MYCBP2: variants seen among roughly 807,000 people sequenced by gnomAD.
MYCBP2 encodes MYC binding protein 2, also known as E3 ubiquitin-protein ligase MYCBP2.
In MYCBP2, 120 loss-of-function variants were observed where a neutral mutation model predicts 525.3. The observed-to-expected ratio is 0.23, with a 90% CI of 0.20 to 0.27. MYCBP2 has a LOEUF of 0.27. MYCBP2 is among the 10% of genes least tolerant of loss of function. MYCBP2 has a pLI of 1.00. For missense variants in MYCBP2, 4,149 were observed against 5,657.1 expected (o/e 0.73, Z 8.55); for synonymous variants, 1,894 against 1,955.8 (o/e 0.97, Z 0.83).
At chr13:77,243,531 T>C (rs2069255016) in intron 16 of MYCBP2, among the ~76,000 whole-genome samples, 1 of 151,682 alleles carries the variant, frequency 6.6e-6, no homozygotes, top group Non-Finnish European at 1.5e-5. Flanking sequence ...GACAATCACT[T>C]GAACCTAGAA....
chr13:77,131,919 C>T (rs1299080205), intron 52 of MYCBP2, among the ~76,000 whole-genome samples: 1 of 152,028 alleles, frequency 6.6e-6, no homozygotes, highest in African/African-American at 2.4e-5. Flanking sequence ...AAATAAGTGA[C>T]CAACCATGCC....
At chr13:77,104,098 T>TA (rs918556733) in intron 55 of MYCBP2, among the ~76,000 whole-genome samples, 3 of 152,026 alleles carry the variant, frequency 2.0e-5, no homozygotes, top group Non-Finnish European at 2.9e-5. Flanking sequence ...TATCTGAATT[T>TA]AAAAAAACTC....
At chr13:77,252,593 A>G (rs2071407215) in intron 14 of MYCBP2, among the ~76,000 whole-genome samples, 1 of 152,116 alleles carries the variant, frequency 6.6e-6, no homozygotes. Context: ...CTTGCTCATA[A>G]TATCTCTTAT....
At chr13:77,074,156 C>T (rs1384435414) in intron 68 of MYCBP2, among the ~76,000 whole-genome samples, 2 of 152,190 alleles carry the variant, frequency 1.3e-5, no homozygotes, top group African/African-American at 2.4e-5. Context: ...AAGTAAGACA[C>T]TTTGATGGAT....
chr13:77,092,783 C>T (rs1262003363), intron 59 of MYCBP2, among the ~76,000 whole-genome samples: 2 of 152,076 alleles, frequency 1.3e-5, no homozygotes, highest in African/African-American at 4.8e-5. Flanking sequence ...TTCCGAGAAG[C>T]TCTTTACTCT....
chr13:77,243,787 T>C lies in MYCBP2; in HGVS notation c.2527+19A>G, dbSNP rs780597509. 15 of 1,611,050 alleles carry C rather than the reference T, an allele frequency of 9.3e-6. No individual in the cohort carries two copies. Among genetic ancestry groups the C allele is most frequent in the Non-Finnish European group, 1.2e-5 (14 of 1,178,442 alleles). On this transcript the variant is annotated intron_variant, in intron 16 of 82. Transcript: ENST00000544440. ...TTGAGGACAACTCAGTGTAGCATAG[T>C]ATAATCAATCAAAATTACCTAAAAG...
At position 77,261,202 on chromosome 13, in the gene MYCBP2, T is replaced by A; in HGVS notation, c.1821A>T (p.Gly607=). Residue 607 remains glycine (G), a synonymous_variant, in exon 12 of 83, where the codon GGA becomes GGT. Coordinates refer to ENST00000544440, the MANE Select transcript of MYCBP2 (RefSeq NM_015057.5). ...CTCCATCTTCTCCTTTACTAGCAGA[T>A]CCTGTAAAGAATATGCTCCCATCTT... The part of the protein sequence containing the change: ...VAEDGSIFFT[G]SASKGEDGES... 6.2e-7 allele frequency: 1 copy of A among 1,613,118 alleles called. No individual in the cohort carries two copies. Among genetic ancestry groups the A allele is most frequent in the Non-Finnish European group, 8.5e-7 (1 of 1,179,396 alleles).
intron 47 of MYCBP2, among the ~76,000 whole-genome samples, chr13:77,147,270 G>A (rs1594903208): frequency 1.3e-5 from 2 of 152,150 alleles, no homozygotes; most frequent in South Asian, 4.1e-4. Flanking sequence ...AGGAAGGGGT[G>A]GTAATGGGTC....
chr13:77,253,954 A>G (rs939797086), intron 14 of MYCBP2, among the ~76,000 whole-genome samples: 2 of 151,918 alleles, frequency 1.3e-5, no homozygotes, highest in African/African-American at 2.4e-5. Context: ...GAGGTTTTAA[A>G]CTCATTTATA....
intron 52 of MYCBP2, among the ~76,000 whole-genome samples, chr13:77,138,269 A>T (rs2054062232): frequency 6.6e-6 from 1 of 152,200 alleles, no homozygotes; most frequent in African/African-American, 2.4e-5. Flanking sequence ...AAAGAATGAG[A>T]TCAATAAATA....
chr13:77,254,633 C>T (rs2071839075), intron 14 of MYCBP2, among the ~76,000 whole-genome samples: 1 of 151,834 alleles, frequency 6.6e-6, no homozygotes, highest in African/African-American at 2.4e-5. Context: ...TCTCTTCTAG[C>T]TATTTTGAAA....
At chr13:77,308,553 A>G (rs1224922480) in intron 1 of MYCBP2, among the ~76,000 whole-genome samples, 1 of 152,240 alleles carries the variant, frequency 6.6e-6, no homozygotes, top group Non-Finnish European at 1.5e-5. Context: ...ACTTAGAATT[A>G]TGCCTGGTAT....
At chr13:77,121,140 A>C (rs1381791112) in intron 55 of MYCBP2, 1 of 278,842 alleles carries the variant, frequency 3.6e-6, no homozygotes, top group Non-Finnish European at 6.5e-6. Flanking sequence ...ATAGAAAAAA[A>C]ATAAGCAAGC....
chr13:77,127,477 C>T (rs2051891095), intron 52 of MYCBP2, among the ~76,000 whole-genome samples: 1 of 151,774 alleles, frequency 6.6e-6, no homozygotes, highest in Admixed American at 6.6e-5. Context: ...GTCATCATTA[C>T]TCCTTTAAAA....
In MYCBP2 at chr13:77,152,933, C is replaced by T. The variant is rs929848854; in HGVS notation, c.6916-1984G>A. 1.4e-4 allele frequency among the ~76,000 whole-genome samples: 21 copies of T among 151,916 alleles called. No homozygotes were observed. In the South Asian group the frequency reaches 1.5e-3, roughly 11 times the overall value. On this transcript the variant is annotated intron_variant, in intron 46 of 82. Transcript: ENST00000544440. Reference sequence around the variant, plus strand: ...ACAAAAAATTAGCCAGGCGTGGTGGCGGGTGCCTGTAGTCTCAGCTACTCG... The same window carrying T: ...ACAAAAAATTAGCCAGGCGTGGTGGTGGGTGCCTGTAGTCTCAGCTACTCG...
intron 49 of MYCBP2, chr13:77,144,213 A>G (rs1409980362): frequency 2.0e-6 from 1 of 494,904 alleles, no homozygotes; most frequent in African/African-American, 1.9e-5. Flanking sequence ...ACATCAGGAA[A>G]TGGAGGGAGA....
chr13:77,189,979 A>AT (rs546233374), intron 29 of MYCBP2, among the ~76,000 whole-genome samples: 39 of 152,014 alleles, frequency 2.6e-4, no homozygotes, highest in African/African-American at 5.8e-4. Flanking sequence ...CAATGGATAG[A>AT]TTTTTTTTAA....
chr13:77,157,422 C>G (rs1209927161), intron 45 of MYCBP2, among the ~76,000 whole-genome samples: 2 of 152,156 alleles, frequency 1.3e-5, no homozygotes, highest in East Asian at 3.9e-4. Flanking sequence ...CAGGATTTCA[C>G]CATGTTGGCC....
At chr13:77,099,796 G>A (rs963885962) in intron 55 of MYCBP2, 1 of 152,088 alleles carries the variant, frequency 6.6e-6, no homozygotes, top group African/African-American at 2.4e-5. Context: ...AGAAAAACAG[G>A]ATGAAAAGAA....
Sources: gnomAD v4.1 joint callset for allele counts (sites outside exome capture counted in the v4.1 genomes callset) on GRCh38, gnomAD v4.1.1 for gene constraint, MANE v1.5 for transcripts, NCBI Gene and HGNC (gene_info 2026-07-23, HGNC 2026-07-21) for gene names.